ASPRV1: variants seen among roughly 807,000 people sequenced by gnomAD.
ASPRV1 encodes aspartic peptidase retroviral like 1.
A neutral mutation model predicts 11.0 loss-of-function variants in ASPRV1; 7 were observed. That is an observed-to-expected ratio of 0.64 (90% CI 0.36 to 1.20). The LOEUF is 1.20. Ranked by LOEUF, ASPRV1 falls within the 50% of genes most tolerant of loss-of-function variation. ASPRV1 has a pLI of 0.02. For missense variants in ASPRV1, 299 were observed against 320.0 expected, an observed-to-expected ratio of 0.93 and a Z score of 0.50; for synonymous variants, 136 against 138.4, an observed-to-expected ratio of 0.98 and a Z score of 0.12.
At chr2:70,040,602 G>A in the ASPRV1 span, among the ~76,000 whole-genome samples, 2 of 152,126 alleles carry the variant, frequency 1.3e-5, no homozygotes, top group East Asian at 1.9e-4. Context: ...TTGGGAGGCC[G>A]AGGCAGGTGG....
the ASPRV1 span, among the ~76,000 whole-genome samples, chr2:69,995,029 T>A: frequency 1.5e-4 from 22 of 149,260 alleles, no homozygotes; most frequent in African/African-American, 4.4e-4. Context: ...ATTAATTAAT[T>A]AATTAATTAA....
downstream of ASPRV1, among the ~76,000 whole-genome samples, chr2:69,959,749 CTGTT>C (rs1307163728): frequency 6.6e-6 from 1 of 152,202 alleles, no homozygotes; most frequent in African/African-American, 2.4e-5. Flanking sequence ...AGACACTTTC[CTGTT>C]TGTTTATCAT....
Position 69,961,003 on chromosome 2 carries a change from G to C in ASPRV1, c.434C>G (p.Thr145Ser). ...VVHPNLWEEV[T>S]DGDLDTLQPF... ...CTGCAGGGTGTCCAGATCGCCATCA[G>C]TGACCTCCTCCCACAAGTTTGGGTG... Residue 145 changes from threonine to serine, a missense_variant, in exon 1 of 1, where the codon ACT (threonine) becomes AGT (serine). Transcript: ENST00000320256. 1 of 1,614,114 alleles carries C rather than the reference G, an allele frequency of 6.2e-7. No individual in the cohort carries two copies. Among genetic ancestry groups the C allele is most frequent in the South Asian group, 1.1e-5 (1 of 91,074 alleles).
At chr2:70,023,664 ACT>A in the ASPRV1 span, among the ~76,000 whole-genome samples, 3 of 139,460 alleles carry the variant, frequency 2.2e-5, no homozygotes, top group East Asian at 2.1e-4. Flanking sequence ...ACGGAGCAAG[ACT>A]CTGTCTCAAA....
At chr2:69,987,600 A>G in the ASPRV1 span, among the ~76,000 whole-genome samples, 1 of 151,086 alleles carries the variant, frequency 6.6e-6, no homozygotes, top group African/African-American at 2.4e-5. Flanking sequence ...AAAAAAAAAA[A>G]AAAATTTAGC....
At chr2:69,963,740 A>G (rs1987094), upstream of ASPRV1, among the ~76,000 whole-genome samples, 37,121 of 152,042 alleles carry the variant, frequency 0.24, 8,200 homozygotes, top group African/African-American at 0.56. Flanking sequence ...CATCACCTCC[A>G]TGAGGAGTAT....
chr2:69,970,488 A>T, the ASPRV1 span, among the ~76,000 whole-genome samples: 565 of 152,156 alleles, frequency 3.7e-3, 3 homozygotes, highest in African/African-American at 0.013. Context: ...ATACCTTTTC[A>T]CAAGCCACTC....
chr2:70,085,672 G>C, the ASPRV1 span: 1 of 152,244 alleles, frequency 6.6e-6, no homozygotes, highest in South Asian at 2.1e-4. Context: ...ACCTACCTCA[G>C]AGGACCATGG....
At chr2:69,991,564 T>C in the ASPRV1 span, among the ~76,000 whole-genome samples, 1 of 152,134 alleles carries the variant, frequency 6.6e-6, no homozygotes, top group African/African-American at 2.4e-5. Context: ...GTTATTTTTT[T>C]GAGATGGAGT....
chr2:70,021,709 CT>C, the ASPRV1 span, among the ~76,000 whole-genome samples: 158 of 134,522 alleles, frequency 1.2e-3, no homozygotes, highest in Admixed American at 1.5e-3. Flanking sequence ...TAAGAGAATA[CT>C]TTTTTTTTTT....
At chr2:69,963,006 G>C (rs780075484), upstream of ASPRV1, 1 of 320,076 alleles carries the variant, frequency 3.1e-6, no homozygotes. Flanking sequence ...TGTTTTTCCT[G>C]GCCAAGAGCC....
the ASPRV1 span, among the ~76,000 whole-genome samples, chr2:70,044,815 C>A: frequency 6.6e-6 from 1 of 152,170 alleles, no homozygotes; most frequent in Non-Finnish European, 1.5e-5. Flanking sequence ...CAACAGGTGC[C>A]ACCAGCTCCA....
At chr2:69,946,235 G>A in the ASPRV1 span, among the ~76,000 whole-genome samples, 3 of 152,212 alleles carry the variant, frequency 2.0e-5, no homozygotes, top group Non-Finnish European at 2.9e-5. Flanking sequence ...ATGACCAACA[G>A]AGACCAATAG....
chr2:70,014,589 C>T, the ASPRV1 span: 1 of 151,940 alleles, frequency 6.6e-6, no homozygotes, highest in Non-Finnish European at 1.5e-5. Flanking sequence ...TCACTTGAGC[C>T]TAGGAGTTCA....
chr2:70,016,397 G>A, the ASPRV1 span: 3 of 152,194 alleles, frequency 2.0e-5, no homozygotes, highest in African/African-American at 7.2e-5. Context: ...ATAAGGCCAG[G>A]TGCAATGTGG....
At chr2:70,070,072 G>C in the ASPRV1 span, among the ~76,000 whole-genome samples, 1 of 151,462 alleles carries the variant, frequency 6.6e-6, no homozygotes, top group East Asian at 1.9e-4. Flanking sequence ...CCAGCTACTC[G>C]GGAGGCTGAA....
chr2:70,077,890 G>A, the ASPRV1 span, among the ~76,000 whole-genome samples: 5,233 of 149,904 alleles, frequency 0.035, 325 homozygotes, highest in African/African-American at 0.12. Flanking sequence ...TAAATTAGCC[G>A]GGCGTGGTGG....
chr2:69,935,220 C>A, the ASPRV1 span: 2 of 660,608 alleles, frequency 3.0e-6, no homozygotes, highest in South Asian at 1.8e-5. Flanking sequence ...GTTTATTCAG[C>A]AAAAGGTCAT....
chr2:70,057,488 T>C, the ASPRV1 span, among the ~76,000 whole-genome samples: 5 of 152,198 alleles, frequency 3.3e-5, no homozygotes, highest in East Asian at 9.6e-4. Flanking sequence ...TATGTATCTT[T>C]TTTTTTTTGA....
Sources: gnomAD v4.1 joint callset for allele counts (sites outside exome capture counted in the v4.1 genomes callset) on GRCh38, gnomAD v4.1.1 for gene constraint, MANE v1.5 for transcripts, NCBI Gene and HGNC (gene_info 2026-07-23, HGNC 2026-07-21) for gene names.